PCGF6: variants seen among roughly 807,000 people sequenced by gnomAD.
PCGF6 encodes the protein polycomb group RING finger protein 6.
PCGF6 carries 24 observed loss-of-function variants against 45.5 expected under a neutral mutation model. The ratio of observed to expected loss-of-function variants is 0.53; its 90% CI spans 0.38 to 0.74. PCGF6 has a LOEUF of 0.74. Ranked by LOEUF, PCGF6 falls within the 30% of genes least tolerant of loss-of-function variation. The pLI is 0.00. For synonymous variants in PCGF6, 152 were observed against 162.1 expected, an observed-to-expected ratio of 0.94 and a Z score of 0.47; for missense variants, 356 against 443.2, an observed-to-expected ratio of 0.80 and a Z score of 1.77.
intron 6 of PCGF6, among the ~76,000 whole-genome samples, chr10:103,342,863 G>A (rs2093285942): frequency 6.6e-6 from 1 of 152,072 alleles, no homozygotes; most frequent in South Asian, 2.1e-4. Context: ...TTTTCCAAAG[G>A]GATCTTTATG....
intron 8 of PCGF6, 151 bp from the exon 9 acceptor site, chr10:103,314,423 A>C (rs1471756033): frequency 4.0e-6 from 2 of 503,766 alleles, no homozygotes; most frequent in African/African-American, 4.0e-5. Flanking sequence ...AGAGTTTTAG[A>C]AACTTTTTAC....
chr10:103,332,980 G>A (rs974295814), intron 7 of PCGF6, among the ~76,000 whole-genome samples: 2 of 151,986 alleles, frequency 1.3e-5, no homozygotes, highest in Admixed American at 6.6e-5. Flanking sequence ...TGGGCGTGGT[G>A]GTGCATGCCT....
At chr10:103,311,702 C>T (rs977938034) in intron 9 of PCGF6, among the ~76,000 whole-genome samples, 7 of 152,092 alleles carry the variant, frequency 4.6e-5, no homozygotes, top group African/African-American at 1.7e-4. Context: ...TCACCCACAA[C>T]ATTTAATACA....
chr10:103,328,908 C>T (rs1018720648), intron 7 of PCGF6, among the ~76,000 whole-genome samples: 17 of 149,260 alleles, frequency 1.1e-4, no homozygotes, highest in African/African-American at 4.0e-4. Flanking sequence ...TGTACCACCA[C>T]GCTATTTTTT....
At chr10:103,304,127 C>T (rs1009921834) in intron 9 of PCGF6, among the ~76,000 whole-genome samples, 166 bp from the exon 10 acceptor site, 4 of 147,458 alleles carry the variant, frequency 2.7e-5, no homozygotes, top group African/African-American at 1.0e-4. Context: ...ACCAAACACT[C>T]CTTGTGAATG....
chr10:103,327,593 G>A (rs1204739472), intron 7 of PCGF6, among the ~76,000 whole-genome samples: 2 of 152,044 alleles, frequency 1.3e-5, no homozygotes, highest in African/African-American at 4.8e-5. Flanking sequence ...GGAGTGGTGT[G>A]TACATGGGAG....
intron 8 of PCGF6, among the ~76,000 whole-genome samples, 193 bp from the exon 9 acceptor site, chr10:103,314,465 T>C (rs2093167782): frequency 6.6e-6 from 1 of 152,162 alleles, no homozygotes; most frequent in African/African-American, 2.4e-5. Flanking sequence ...GGAAGAGCAT[T>C]AGAGGATACA....
chr10:103,342,993 A>T (rs1394565875), intron 6 of PCGF6, among the ~76,000 whole-genome samples: 1 of 151,984 alleles, frequency 6.6e-6, no homozygotes, highest in Non-Finnish European at 1.5e-5. Flanking sequence ...CAGTGGCACC[A>T]CCTCGGCTCA....
At chr10:103,320,692 A>G (rs979111913) in intron 8 of PCGF6, among the ~76,000 whole-genome samples, 3 of 149,780 alleles carry the variant, frequency 2.0e-5, no homozygotes, top group Non-Finnish European at 4.5e-5. Flanking sequence ...CTTTGTCTCA[A>G]AAAAAAAAAG....
At chr10:103,346,679 C>A (rs2093300696) in intron 5 of PCGF6, among the ~76,000 whole-genome samples, 1 of 152,104 alleles carries the variant, frequency 6.6e-6, no homozygotes, top group Non-Finnish European at 1.5e-5. Flanking sequence ...CCTGTAATCT[C>A]AGCTACTTGG....
chr10:103,303,165 T>G lies in PCGF6; in HGVS notation c.*740A>C, dbSNP rs2093125235. On this transcript the variant is annotated 3_prime_UTR_variant, in exon 10 of 10. Transcript: ENST00000369847. Reference sequence around the variant, plus strand: ...TTATTACTTTCAGAAGCAATACTATTGCAAGGTATCAACAACCACACTATG... The same window carrying G: ...TTATTACTTTCAGAAGCAATACTATGGCAAGGTATCAACAACCACACTATG... 6.6e-6 allele frequency: 1 copy of G among 152,632 alleles called. No individual in the cohort carries two copies. The highest frequency in any genetic ancestry group is 2.4e-5 in the African/African-American group (1 of 41,438). The allele number at this position is 152,632 out of a possible 1,614,324, so 9.5% of individuals were successfully genotyped here.
intron 7 of PCGF6, among the ~76,000 whole-genome samples, chr10:103,327,832 GC>G (rs1226665589): frequency 1.4e-5 from 2 of 147,114 alleles, no homozygotes; most frequent in Non-Finnish European, 3.0e-5. Context: ...GCACCACTAC[GC>G]CCAACTAATT....
chr10:103,330,288 C>T (rs1202479187), intron 7 of PCGF6, among the ~76,000 whole-genome samples: 1 of 151,744 alleles, frequency 6.6e-6, no homozygotes, highest in East Asian at 2.0e-4. Flanking sequence ...GTTGCCGAGG[C>T]TGGTCTCAAC....
chr10:103,309,196 T>TG (rs57497944), intron 9 of PCGF6, among the ~76,000 whole-genome samples: 17,425 of 132,322 alleles, frequency 0.13, 944 homozygotes, highest in Middle Eastern at 0.19. Flanking sequence ...TGAGATTTGG[T>TG]GGGGGGGGGG....
At chr10:103,341,020 G>A (rs542255106) in intron 6 of PCGF6, among the ~76,000 whole-genome samples, 2 of 151,898 alleles carry the variant, frequency 1.3e-5, no homozygotes, top group Non-Finnish European at 2.9e-5. Flanking sequence ...ACCTGAGGTC[G>A]GGAGATTGAG....
intron 8 of PCGF6, 35 bp downstream of exon 8, chr10:103,326,499 A>T: frequency 7.2e-7 from 1 of 1,391,094 alleles, no homozygotes; most frequent in Non-Finnish European, 9.9e-7. Context: ...GTAAGCTCAC[A>T]ACTTTACCTA....
intron 6 of PCGF6, among the ~76,000 whole-genome samples, chr10:103,338,816 C>T (rs1320687663): frequency 2.0e-5 from 3 of 150,664 alleles, no homozygotes; most frequent in Admixed American, 1.3e-4. Context: ...AGCAGTGAGC[C>T]GAGATCACAC....
intron 5 of PCGF6, 120 bp downstream of exon 5, chr10:103,347,118 A>G: frequency 1.4e-6 from 1 of 720,622 alleles, no homozygotes; most frequent in Non-Finnish European, 2.3e-6. Flanking sequence ...ACACAGCATT[A>G]CCTTCAAAAT....
intron 6 of PCGF6, among the ~76,000 whole-genome samples, chr10:103,339,020 G>C (rs538581484): frequency 1.3e-5 from 2 of 152,276 alleles, no homozygotes; most frequent in Admixed American, 6.5e-5. Context: ...TTGCCCCTGT[G>C]CTTCCATCAG....
Sources: allele counts gnomAD v4.1 joint callset (sites outside exome capture counted in the v4.1 genomes callset), GRCh38; gene constraint gnomAD v4.1.1; transcripts MANE v1.5; gene names NCBI Gene and HGNC (gene_info 2026-07-23, HGNC 2026-07-21).